Variants in AGPAT3 observed in about 807,000 individuals in gnomAD.
The protein encoded by AGPAT3 is 1-acyl-sn-glycerol-3-phosphate acyltransferase gamma.
In AGPAT3, 5 loss-of-function variants were observed where a neutral mutation model predicts 47.3. That is an observed-to-expected ratio of 0.11 (90% CI 0.06 to 0.22). The LOEUF is 0.22. Ranked by LOEUF, AGPAT3 falls within the 10% of genes least tolerant of loss-of-function variation. The pLI is 1.00. For synonymous variants in AGPAT3, 212 were observed against 208.3 expected, an observed-to-expected ratio of 1.02 and a Z score of -0.15; for missense variants, 315 against 493.0, an observed-to-expected ratio of 0.64 and a Z score of 3.42.
At chr21:43,898,056 G>A (rs147373425) in intron 1 of AGPAT3, among the ~76,000 whole-genome samples, 2,535 of 152,296 alleles carry the variant, frequency 0.017, 36 homozygotes, top group Non-Finnish European at 0.026. Flanking sequence ...AGGCAGGGAG[G>A]TTGCAGCGAG....
intron 1 of AGPAT3, among the ~76,000 whole-genome samples, chr21:43,894,049 G>A (rs1327892294): frequency 2.0e-5 from 3 of 152,140 alleles, no homozygotes; most frequent in Non-Finnish European, 1.5e-5. Context: ...GAAGTGCAGC[G>A]AAGCCAGGCA....
chr21:43,955,072 C>T lies in AGPAT3; in HGVS notation c.-48-4562C>T. 3.2e-6 allele frequency: 4 copies of T among 1,243,382 alleles called. No individual in the cohort carries two copies. The highest frequency in any genetic ancestry group is 3.1e-6 in the Non-Finnish European group (3 of 959,510). 77.0% of individuals were successfully genotyped at this position (1,243,382 alleles called of 1,614,324 possible). ...ATCTGTGGCCCCCAAAGGCTGGGTG[C>T]CAGCTGCCTGTCGGCAGGGAGCGTA... On this transcript the variant is annotated intron_variant, in intron 2 of 9. Transcript: ENST00000291572. The surrounding 1 kb of genome is among the most constrained non-coding windows in gnomAD (Gnocchi z 4.1).
rs1003406240 is a variant in AGPAT3, at chr21:43,985,103, C to T, written c.*2711C>T. The T allele has an allele frequency of 2.2e-6, 1 of 456,132 alleles. No individual in the cohort carries two copies. The highest frequency in any genetic ancestry group is 2.0e-5 in the African/African-American group (1 of 50,072). The allele number at this position is 456,132 out of a possible 1,614,324, so 28.3% of individuals were successfully genotyped here. A position where few individuals can be genotyped will look rare whatever the true frequency, so the allele number is the denominator to read the frequency against. ...CCACGGGCGTCTGGCCGGTCAAGCT[C>T]CCAGCCTGGGCCGTGGTCTCCTGGG... is the stretch of plus-strand genomic sequence containing the variant. On this transcript the variant is annotated 3_prime_UTR_variant, in exon 10 of 10. Transcript: ENST00000291572.
intron 2 of AGPAT3, among the ~76,000 whole-genome samples, chr21:43,929,022 C>T (rs2146261340): frequency 6.6e-6 from 1 of 152,328 alleles, no homozygotes; most frequent in East Asian, 1.9e-4. Context: ...AGTGTGCCAC[C>T]CTGGCCAGAC....
chr21:43,910,289 A>G (rs919734585), intron 2 of AGPAT3, among the ~76,000 whole-genome samples: 1 of 152,284 alleles, frequency 6.6e-6, no homozygotes, highest in African/African-American at 2.4e-5. Flanking sequence ...GTCTGCAGAG[A>G]TTGGTGACAG....
chr21:43,893,567 C>T (rs1372332417), intron 1 of AGPAT3, among the ~76,000 whole-genome samples: 1 of 152,254 alleles, frequency 6.6e-6, no homozygotes, highest in African/African-American at 2.4e-5. Flanking sequence ...TCGGCTTTCA[C>T]CACACCTTCC....
rs978598324 is a variant in AGPAT3, at chr21:43,903,585, G to A, written c.-111-372G>A. On this transcript the variant is annotated intron_variant, in intron 1 of 9. Coordinates refer to ENST00000291572, the MANE Select transcript of AGPAT3 (RefSeq NM_020132.5). ...CGCATGTAAGGCTGGTGTAGCTGTC[G>A]CAGGAGCTGTGGCATCCGGAGGGGC... Among the ~76,000 whole-genome samples the A allele has an allele frequency of 4.6e-5, 7 of 152,318 alleles. No individual in the cohort carries two copies. The South Asian group carries it at 6.2e-4, about 14-fold the overall frequency.
In AGPAT3 at chr21:43,922,795, G is replaced by A. The variant is rs1258861099; in HGVS notation, c.-49+18776G>A. Among the ~76,000 whole-genome samples the A allele has an allele frequency of 6.6e-6, 1 of 152,298 alleles. No homozygotes were observed. Among genetic ancestry groups the A allele is most frequent in the African/African-American group, 2.4e-5 (1 of 41,570 alleles). ...CTGTGGCTCAGGAGCCACGTGCCAG[G>A]CAGGTCACTCCGTCAGCATAGGGGC... On this transcript the variant is annotated intron_variant, in intron 2 of 9. Coordinates refer to ENST00000291572, the MANE Select transcript of AGPAT3 (RefSeq NM_020132.5). The surrounding 1 kb of genome is among the most constrained non-coding windows in gnomAD (Gnocchi z 4.9).
chr21:43,877,661 CT>C (rs2085764300), intron 1 of AGPAT3, among the ~76,000 whole-genome samples: 1 of 152,172 alleles, frequency 6.6e-6, no homozygotes, highest in Admixed American at 6.5e-5. Flanking sequence ...TCAGGCTGGC[CT>C]TGAACTCCCG....
chr21:43,922,322 G>A lies in AGPAT3; in HGVS notation c.-49+18303G>A, dbSNP rs751660704. On this transcript the variant is annotated intron_variant, in intron 2 of 9. Transcript: ENST00000291572. The surrounding 1 kb of genome is among the most constrained non-coding windows in gnomAD (Gnocchi z 4.9). ...TGGTGAACACATCAGCAAACAGGAA[G>A]CGTGGGGGGAAGCGTGCGTGCGAAG... Among the ~76,000 whole-genome samples the A allele has an allele frequency of 3.9e-5, 6 of 152,190 alleles. No homozygotes were observed. Among genetic ancestry groups the A allele is most frequent in the African/African-American group, 7.2e-5 (3 of 41,448 alleles).
chr21:43,899,647 T>C (rs1391257836), intron 1 of AGPAT3, among the ~76,000 whole-genome samples: 2 of 152,216 alleles, frequency 1.3e-5, no homozygotes, highest in African/African-American at 4.8e-5. Context: ...GTTCTGGCTC[T>C]TGCCTTCCTG....
At chr21:43,891,416 G>A (rs1279307611) in intron 1 of AGPAT3, among the ~76,000 whole-genome samples, 1 of 152,046 alleles carries the variant, frequency 6.6e-6, no homozygotes, top group East Asian at 1.9e-4. Flanking sequence ...GGCAGATCAC[G>A]AGGTTAGGAG....
intron 1 of AGPAT3, among the ~76,000 whole-genome samples, chr21:43,881,702 C>G (rs985276883): frequency 6.6e-6 from 1 of 152,174 alleles, no homozygotes; most frequent in Non-Finnish European, 1.5e-5. Context: ...GTCGCCCAGG[C>G]TGGAGTGCAA....
In AGPAT3 at chr21:43,952,082, G is replaced by A. The variant is rs967256699; in HGVS notation, c.-48-7552G>A. On this transcript the variant is annotated intron_variant, in intron 2 of 9. Coordinates refer to ENST00000291572, the MANE Select transcript of AGPAT3 (RefSeq NM_020132.5). The surrounding 1 kb of genome is among the most constrained non-coding windows in gnomAD (Gnocchi z 5.6). Reference sequence around the variant, plus strand: ...GGGCTGGATGGCGGAACACGGGGATGGGCCCGTACCTCTCCAGAACTACGG... The same window carrying A: ...GGGCTGGATGGCGGAACACGGGGATAGGCCCGTACCTCTCCAGAACTACGG... 6.6e-6 allele frequency among the ~76,000 whole-genome samples: 1 copy of A among 152,102 alleles called. No homozygotes were observed. Among genetic ancestry groups the A allele is most frequent in the African/African-American group, 2.4e-5 (1 of 41,402 alleles).
rs1019892316 is a variant in AGPAT3 at position 43,955,564 on chromosome 21, G to T, written c.-48-4070G>T. ...CTGCCTCGGCCTCCCAAAGTGCTCA[G>T]ATTACAGGTGTGAGCCACCGCGCCC... On this transcript the variant is annotated intron_variant, in intron 2 of 9. Transcript: ENST00000291572. The surrounding 1 kb of genome is among the most constrained non-coding windows in gnomAD (Gnocchi z 4.1). 2.6e-5 allele frequency among the ~76,000 whole-genome samples: 4 copies of T among 151,840 alleles called. No individual in the cohort carries two copies. The highest frequency in any genetic ancestry group is 7.2e-5 in the African/African-American group (3 of 41,384).
chr21:43,908,103 A>G lies in AGPAT3; in HGVS notation c.-49+4084A>G, dbSNP rs906681035. On this transcript the variant is annotated intron_variant, in intron 2 of 9. Coordinates refer to ENST00000291572, the MANE Select transcript of AGPAT3 (RefSeq NM_020132.5). The surrounding 1 kb of genome is among the most constrained non-coding windows in gnomAD (Gnocchi z 4.9). Reference sequence around the variant, plus strand: ...GTGTGCTGGAAGACCTGAATGCTTCAGAGCCTAAATTATGTGGGAAAAACG... The same window carrying G: ...GTGTGCTGGAAGACCTGAATGCTTCGGAGCCTAAATTATGTGGGAAAAACG... 5.3e-5 allele frequency among the ~76,000 whole-genome samples: 8 copies of G among 152,222 alleles called. No homozygotes were observed. Among genetic ancestry groups the G allele is most frequent in the Non-Finnish European group, 8.8e-5 (6 of 68,028 alleles).
At chr21:43,866,243 A>G (rs2123476944) in intron 1 of AGPAT3, among the ~76,000 whole-genome samples, 1 of 151,328 alleles carries the variant, frequency 6.6e-6, no homozygotes, top group South Asian at 2.1e-4. Context: ...CTAGGAGAAT[A>G]CTTGAGCAGT....
chr21:43,900,862 G>A (rs2086332662), intron 1 of AGPAT3, among the ~76,000 whole-genome samples: 1 of 152,180 alleles, frequency 6.6e-6, no homozygotes, highest in Non-Finnish European at 1.5e-5. Flanking sequence ...TAGGTTGACT[G>A]CTCCCAGAAC....
At chr21:43,906,068 T>C (rs982168113) in intron 2 of AGPAT3, among the ~76,000 whole-genome samples, 4 of 152,240 alleles carry the variant, frequency 2.6e-5, no homozygotes, top group Non-Finnish European at 5.9e-5. Context: ...TTGTTCCCTT[T>C]CTGGGGACAG....
Sources: allele counts gnomAD v4.1 joint callset (sites outside exome capture counted in the v4.1 genomes callset), GRCh38; gene constraint gnomAD v4.1.1; non-coding constraint Gnocchi (gnomAD v3.1); transcripts MANE v1.5; gene names NCBI Gene and HGNC (gene_info 2026-07-23, HGNC 2026-07-21).